Variants in SLC43A1 observed in about 807,000 individuals in gnomAD.
SLC43A1 encodes large neutral amino acids transporter small subunit 3.
In SLC43A1, 31 loss-of-function variants were observed where a neutral mutation model predicts 59.5. That is an observed-to-expected ratio of 0.52 (90% confidence interval 0.39 to 0.70). SLC43A1 has a LOEUF of 0.70. SLC43A1 is among the 30% of genes least tolerant of loss of function. The probability of loss-of-function intolerance (pLI) is 0.00; values close to 1 mark genes in which losing one functional copy is unlikely to be tolerated. For missense variants in SLC43A1, 598 were observed against 717.8 expected, an observed-to-expected ratio of 0.83 and a Z score of 1.91; for synonymous variants, 259 against 290.9, an observed-to-expected ratio of 0.89 and a Z score of 1.12.
Position 57,495,980 on chromosome 11 carries a change from C to A in SLC43A1, c.692+51G>T, listed in dbSNP as rs370632410. The A allele has an allele frequency of 1.8e-5, 28 of 1,599,252 alleles. 1 individual carries two copies. The East Asian group carries it at 2.7e-4, about 15-fold the overall frequency. ...AAAGTTAATTCCGTCTATCATATCA[C>A]CACAGCCCTCTCTGCCCCAGGGAGA... is the stretch of plus-strand genomic sequence containing the variant. On this transcript the variant is annotated intron_variant, in intron 7 of 14. Coordinates refer to ENST00000278426, the MANE Select transcript of SLC43A1 (RefSeq NM_003627.6).
In SLC43A1 at chr11:57,501,204, G is replaced by GT. The variant is rs1565136031; in HGVS notation, c.279dup (p.Leu94ThrfsTer133). On this transcript the variant is annotated frameshift_variant, in exon 3 of 15. Coordinates refer to ENST00000278426, the MANE Select transcript of SLC43A1 (RefSeq NM_003627.6). LOFTEE classifies it high-confidence loss of function. ...CCAAAGCGGTCCATGAGGATCCCCA[G>GT]TGGCAGGGTGGTGGCGCTGAGCACG... The GT allele has an allele frequency of 6.2e-7, 1 of 1,612,422 alleles. No individual in the cohort carries two copies. Among genetic ancestry groups the GT allele is most frequent in the Admixed American group, 1.7e-5 (1 of 60,028 alleles).
In SLC43A1 at chr11:57,494,099, G is replaced by A; in HGVS notation, c.765C>T (p.Thr255=). The change falls in exon 8 of 15, where the codon ACC becomes ACT. Residue 255 remains threonine (T), a synonymous_variant. Coordinates refer to ENST00000278426, the MANE Select transcript of SLC43A1 (RefSeq NM_003627.6). ...TCTGGCTGAGCCTCTGGCCCATGGTGGTCACATGGGTGTAGAAGAGGTCAC... is the reference window on the plus strand; with the variant it reads ...TCTGGCTGAGCCTCTGGCCCATGGTAGTCACATGGGTGTAGAAGAGGTCAC... The part of the protein sequence containing the change: ...VTGDLFYTHV[T]TMGQRLSQKA... The A allele has an allele frequency of 1.2e-6, 2 of 1,611,412 alleles. No individual in the cohort carries two copies. The highest frequency in any genetic ancestry group is 2.2e-5 in the East Asian group (1 of 44,620).
intron 2 of SLC43A1, among the ~76,000 whole-genome samples, chr11:57,513,132 C>A (rs1944596062): frequency 6.6e-6 from 1 of 152,234 alleles, no homozygotes. Flanking sequence ...TCACCGAAGT[C>A]ACCAACTGAT....
intron 2 of SLC43A1, among the ~76,000 whole-genome samples, chr11:57,502,647 C>T (rs1439993803): frequency 6.6e-6 from 1 of 152,050 alleles, no homozygotes; most frequent in East Asian, 1.9e-4. Context: ...AAGGTGGGTG[C>T]ATCTCTTGAG....
intron 2 of SLC43A1, among the ~76,000 whole-genome samples, chr11:57,510,457 CAAAAAAAAAA>C (rs61412196): frequency 5.8e-4 from 15 of 25,762 alleles, no homozygotes; most frequent in Non-Finnish European, 8.8e-4. Context: ...GACTCCATCT[CAAAAAAAAAA>C]AAAAAAAAAA....
At chr11:57,488,652 G>A (rs1943811716) in intron 13 of SLC43A1, among the ~76,000 whole-genome samples, 1 of 152,178 alleles carries the variant, frequency 6.6e-6, no homozygotes, top group Admixed American at 6.5e-5. Context: ...TGGAGGGGAG[G>A]CCATTCTGGG....
intron 5 of SLC43A1, 78 bp downstream of exon 5, chr11:57,500,701 T>C: frequency 1.5e-6 from 2 of 1,304,470 alleles, no homozygotes; most frequent in East Asian, 2.4e-5. Context: ...AGCCCATTCA[T>C]ACTGCCCTCA....
intron 8 of SLC43A1, 58 bp from the exon 9 acceptor site, chr11:57,491,920 T>A: frequency 6.4e-7 from 1 of 1,552,858 alleles, no homozygotes; most frequent in African/African-American, 1.4e-5. Flanking sequence ...CCTCTGATTG[T>A]CCCAGCTCAT....
In SLC43A1 at chr11:57,509,737, G is replaced by A. The variant is rs1944488487; in HGVS notation, c.154+4221C>T. Among the ~76,000 whole-genome samples the A allele has an allele frequency of 2.0e-5, 3 of 150,594 alleles. No individual in the cohort carries two copies. The South Asian group carries it at 6.3e-4, about 32-fold the overall frequency. On this transcript the variant is annotated intron_variant, in intron 2 of 14. Coordinates refer to ENST00000278426, the MANE Select transcript of SLC43A1 (RefSeq NM_003627.6). ...GGGAGGGAAAGAAGGAAGGAAGGAA[G>A]GAAGGAAGGAAAGAAGGAAACACAG... is the stretch of plus-strand genomic sequence containing the variant.
intron 7 of SLC43A1, among the ~76,000 whole-genome samples, chr11:57,495,210 T>C (rs1242522339): frequency 4.6e-5 from 7 of 151,976 alleles, no homozygotes; most frequent in Non-Finnish European, 1.0e-4. Flanking sequence ...TACCATGAGC[T>C]GAGCATGGTG....
At chr11:57,500,918 C>G in intron 4 of SLC43A1, 63 bp from the exon 5 acceptor site, 1 of 1,602,658 alleles carries the variant, frequency 6.2e-7, no homozygotes, top group Non-Finnish European at 8.5e-7. Flanking sequence ...AGGGCGGGAG[C>G]TGGGGTAAAC....
intron 8 of SLC43A1, among the ~76,000 whole-genome samples, chr11:57,492,869 G>A (rs990799442): frequency 8.6e-5 from 13 of 150,444 alleles, no homozygotes; most frequent in African/African-American, 2.4e-4. Flanking sequence ...GTGAAACCCC[G>A]TCTCTACTAA....
At chr11:57,511,103 A>C (rs573047348) in intron 2 of SLC43A1, among the ~76,000 whole-genome samples, 1 of 152,270 alleles carries the variant, frequency 6.6e-6, no homozygotes, top group South Asian at 2.1e-4. Flanking sequence ...AATTCCTAAG[A>C]AAAATGAAAG....
intron 5 of SLC43A1, 35 bp downstream of exon 5, chr11:57,500,744 G>A: frequency 6.2e-7 from 1 of 1,602,720 alleles, no homozygotes; most frequent in Non-Finnish European, 8.5e-7. Flanking sequence ...CCACTCGGGG[G>A]AACTCTGCTG....
In SLC43A1 at chr11:57,492,536, G is replaced by GTATATATA. The variant is rs71061509; in HGVS notation, c.872-682_872-675dup. Among the ~76,000 whole-genome samples the GTATATATA allele has an allele frequency of 2.6e-4, 21 of 79,852 alleles. 1 individual carries two copies. The highest frequency in any genetic ancestry group is 6.2e-4 in the African/African-American group (11 of 17,826). The allele number at this position is 79,852 out of a possible 152,430, so 52.4% of individuals were successfully genotyped here. On this transcript the variant is annotated intron_variant, in intron 8 of 14. Coordinates refer to ENST00000278426, the MANE Select transcript of SLC43A1 (RefSeq NM_003627.6). ...AATAATATAATATATATAATTTTGT[G>GTATATATA]TATATATATATATATATATATATAT...
At chr11:57,491,414 C>T in intron 10 of SLC43A1, 52 bp from the exon 11 acceptor site, 2 of 1,566,640 alleles carry the variant, frequency 1.3e-6, no homozygotes, top group Non-Finnish European at 1.7e-6. Flanking sequence ...TCAGTGGACA[C>T]TATCACCCCT....
intron 11 of SLC43A1, 29 bp downstream of exon 11, chr11:57,491,195 C>A: frequency 6.7e-7 from 1 of 1,500,486 alleles, no homozygotes; most frequent in South Asian, 1.4e-5. Flanking sequence ...TGACCACTTG[C>A]TGTCACCATC....
chr11:57,493,631 G>C (rs1255664934), intron 8 of SLC43A1, among the ~76,000 whole-genome samples: 1 of 152,174 alleles, frequency 6.6e-6, no homozygotes, highest in African/African-American at 2.4e-5. Flanking sequence ...AGACAGCCAG[G>C]TGTGGAGGAC....
Position 57,509,716 on chromosome 11 carries a change from GGGAAAGAAGGAA to G in SLC43A1, c.154+4230_154+4241del, listed in dbSNP as rs1174744115. ...AGGGAGGGAGGGAGAGAGGGAGGGAGGGAAAGAAGGAAGGAAGGAAGGAAGGAAGGAAAGAAG... is the reference window on the plus strand; with the variant it reads ...AGGGAGGGAGGGAGAGAGGGAGGGAGGGAAGGAAGGAAGGAAGGAAAGAAG... On this transcript the variant is annotated intron_variant, in intron 2 of 14. Transcript: ENST00000278426. Among the ~76,000 whole-genome samples, 3 of 115,608 alleles carry G rather than the reference GGGAAAGAAGGAA, an allele frequency of 2.6e-5. 1 individual carries two copies. The highest frequency in any genetic ancestry group is 1.2e-4 in the African/African-American group (3 of 25,786). The allele number at this position is 115,608 out of a possible 152,430, so 75.8% of individuals were successfully genotyped here.
Sources: allele counts gnomAD v4.1 joint callset (sites outside exome capture counted in the v4.1 genomes callset), GRCh38; gene constraint gnomAD v4.1.1; transcripts MANE v1.5; gene names NCBI Gene and HGNC (gene_info 2026-07-23, HGNC 2026-07-21).